The following KLHL32 variants were observed in gnomAD, a reference collection of about 807,000 sequenced individuals.
The protein encoded by KLHL32 is kelch-like protein 32.
A neutral mutation model predicts 64.8 loss-of-function variants in KLHL32; 35 were observed. That is an observed-to-expected ratio of 0.54 (90% CI 0.41 to 0.72). The LOEUF (loss-of-function observed/expected upper bound fraction) is 0.72. Among genes scored for constraint, KLHL32 ranks in the 30% least tolerant of loss-of-function variants. KLHL32 has a pLI of 0.00. For synonymous variants in KLHL32, 259 were observed against 281.0 expected (o/e 0.92, Z 0.78); for missense variants, 589 against 768.5 (o/e 0.77, Z 2.76).
intron 1 of KLHL32, among the ~76,000 whole-genome samples, chr6:96,950,515 C>G (rs138690480): frequency 0.02 from 2,998 of 151,524 alleles, 108 homozygotes; most frequent in African/African-American, 0.07. Flanking sequence ...AAAAAAAACC[C>G]AGACACTTTG....
intron 1 of KLHL32, among the ~76,000 whole-genome samples, chr6:96,949,699 A>G (rs974054052): frequency 6.6e-6 from 1 of 152,094 alleles, no homozygotes; most frequent in Non-Finnish European, 1.5e-5. Context: ...ATGATTTTGC[A>G]TTGTTTAAAT....
At chr6:96,936,587 C>T (rs207467285) in intron 1 of KLHL32, among the ~76,000 whole-genome samples, 1 of 152,204 alleles carries the variant, frequency 6.6e-6, no homozygotes, top group African/African-American at 2.4e-5. Flanking sequence ...CACAACTTCC[C>T]ACTACCATTC....
chr6:97,027,015 A>T (rs145065556), intron 3 of KLHL32, among the ~76,000 whole-genome samples: 105 of 152,090 alleles, frequency 6.9e-4, no homozygotes, highest in African/African-American at 2.5e-3. Flanking sequence ...TACAAAAACC[A>T]GCTGGGCGTG....
intron 6 of KLHL32, among the ~76,000 whole-genome samples, chr6:97,107,604 A>C (rs1796587736): frequency 6.6e-6 from 1 of 152,240 alleles, no homozygotes; most frequent in Non-Finnish European, 1.5e-5. Context: ...TGCTTTGCCA[A>C]GAATCTCAAA....
intron 6 of KLHL32, among the ~76,000 whole-genome samples, chr6:97,097,195 A>G (rs1255638298): frequency 6.6e-6 from 1 of 152,080 alleles, no homozygotes; most frequent in African/African-American, 2.4e-5. Context: ...ATTTGCACCA[A>G]TCATGCCTTC....
chr6:97,135,545 A>G (rs1162770279), intron 10 of KLHL32, among the ~76,000 whole-genome samples: 1 of 151,754 alleles, frequency 6.6e-6, no homozygotes, highest in East Asian at 1.9e-4. Flanking sequence ...TGAACTGCCC[A>G]CCTCGGCCTC....
chr6:97,124,920 A>G (rs1798721870), intron 7 of KLHL32, among the ~76,000 whole-genome samples: 1 of 152,124 alleles, frequency 6.6e-6, no homozygotes, highest in Non-Finnish European at 1.5e-5. Context: ...AGCAAACACA[A>G]CCCTATATTT....
chr6:97,022,235 A>G (rs952913875), intron 3 of KLHL32, among the ~76,000 whole-genome samples: 2 of 150,752 alleles, frequency 1.3e-5, no homozygotes, highest in Admixed American at 1.3e-4. Context: ...ACATGATTCT[A>G]CATCATCTGT....
At chr6:96,908,803 G>A in the KLHL32 span, among the ~76,000 whole-genome samples, 11 of 151,690 alleles carry the variant, frequency 7.3e-5, no homozygotes, top group Non-Finnish European at 1.5e-4. Flanking sequence ...CCAGTTTCTG[G>A]TGCTGACTCT....
chr6:96,975,894 C>A, intron 2 of KLHL32, 103 bp from the exon 3 acceptor site: 1 of 823,392 alleles, frequency 1.2e-6, no homozygotes, highest in Non-Finnish European at 1.8e-6. Flanking sequence ...ATAGAGTGCA[C>A]TGGAACCCGT....
chr6:96,927,099 GT>G (rs1185860172), intron 1 of KLHL32, among the ~76,000 whole-genome samples: 1 of 152,114 alleles, frequency 6.6e-6, no homozygotes, highest in Non-Finnish European at 1.5e-5. Flanking sequence ...CTAGATCTCT[GT>G]CTTATATCTC....
chr6:97,063,298 A>G (rs1258754795), intron 4 of KLHL32, among the ~76,000 whole-genome samples: 1 of 152,214 alleles, frequency 6.6e-6, no homozygotes, highest in African/African-American at 2.4e-5. Flanking sequence ...AACCAGCAGG[A>G]CTGGCTGATG....
intron 7 of KLHL32, among the ~76,000 whole-genome samples, chr6:97,123,990 T>A (rs1267391342): frequency 1.3e-5 from 2 of 152,216 alleles, no homozygotes; most frequent in Non-Finnish European, 2.9e-5. Flanking sequence ...TTCAGCAGAT[T>A]AATCTAAAAG....
At chr6:96,957,397 G>C (rs1773398189) in intron 1 of KLHL32, among the ~76,000 whole-genome samples, 1 of 152,004 alleles carries the variant, frequency 6.6e-6, no homozygotes, top group Admixed American at 6.6e-5. Flanking sequence ...CATATATGTA[G>C]AATGTTCATT....
chr6:96,993,318 C>A (rs1778095649), intron 3 of KLHL32, among the ~76,000 whole-genome samples: 1 of 152,142 alleles, frequency 6.6e-6, no homozygotes, highest in Admixed American at 6.5e-5. Context: ...TCTAAGTTGG[C>A]CTTGTTGACA....
At chr6:97,120,564 G>A (rs1193457844) in intron 7 of KLHL32, among the ~76,000 whole-genome samples, 1 of 152,246 alleles carries the variant, frequency 6.6e-6, no homozygotes, top group East Asian at 1.9e-4. Flanking sequence ...AAGGTTATGA[G>A]ACTGGAATAG....
At chr6:96,919,321 A>AACT in the KLHL32 span, among the ~76,000 whole-genome samples, 1 of 152,214 alleles carries the variant, frequency 6.6e-6, no homozygotes, top group Non-Finnish European at 1.5e-5. Flanking sequence ...AGGAACTCTG[A>AACT]TTTAAAAGTA....
intron 4 of KLHL32, among the ~76,000 whole-genome samples, chr6:97,052,171 G>C (rs12195230): frequency 0.24 from 35,819 of 152,074 alleles, 4,282 homozygotes; most frequent in Middle Eastern, 0.3. Context: ...GTACATGCTG[G>C]GGTACAACCC....
At chr6:96,898,749 T>G in the KLHL32 span, among the ~76,000 whole-genome samples, 1 of 152,288 alleles carries the variant, frequency 6.6e-6, no homozygotes, top group South Asian at 2.1e-4. Context: ...TCTCCGTCTC[T>G]CTCCATTTCC....
Sources: gnomAD v4.1 joint callset for allele counts (sites outside exome capture counted in the v4.1 genomes callset) on GRCh38, gnomAD v4.1.1 for gene constraint, MANE v1.5 for transcripts, NCBI Gene and HGNC (gene_info 2026-07-23, HGNC 2026-07-21) for gene names.